SIRPG: variants seen among roughly 807,000 people sequenced by gnomAD.
SIRPG encodes the protein signal-regulatory protein gamma.
SIRPG carries 38 observed loss-of-function variants against 35.7 expected under a neutral mutation model. The ratio of observed to expected loss-of-function variants is 1.06; its 90% confidence interval spans 0.82 to 1.40. The LOEUF (loss-of-function observed/expected upper bound fraction) is 1.40. Ranked by LOEUF, SIRPG falls within the 40% of genes most tolerant of loss-of-function variation. The pLI is 0.00. For synonymous variants in SIRPG, 215 were observed against 190.4 expected (o/e 1.13, Z -1.06); for missense variants, 519 against 483.0 (o/e 1.07, Z -0.70).
chr20:1,670,765 G>C, the SIRPG span: 50 of 191,218 alleles, frequency 2.6e-4, 2 homozygotes, highest in South Asian at 4.5e-3. Context: ...TGGAAGGTGG[G>C]CAGCACAGTT....
chr20:1,639,596 C>G (rs2091835209), intron 2 of SIRPG, among the ~76,000 whole-genome samples: 1 of 152,160 alleles, frequency 6.6e-6, no homozygotes, highest in Non-Finnish European at 1.5e-5. Flanking sequence ...ATGATAGTTT[C>G]TATTCCTGTG....
intron 1 of SIRPG, among the ~76,000 whole-genome samples, chr20:1,655,774 A>G (rs2091971374): frequency 6.6e-6 from 1 of 152,172 alleles, no homozygotes; most frequent in South Asian, 2.1e-4. Context: ...AATATGTTGT[A>G]CATAAGTATA....
At chr20:1,684,098 T>C in the SIRPG span, among the ~76,000 whole-genome samples, 2 of 152,186 alleles carry the variant, frequency 1.3e-5, no homozygotes, top group South Asian at 2.1e-4. Context: ...AAGAGATGTA[T>C]TGTACGATAT....
At chr20:1,654,486 T>C (rs1600227317) in intron 1 of SIRPG, among the ~76,000 whole-genome samples, 3 of 152,280 alleles carry the variant, frequency 2.0e-5, no homozygotes, top group African/African-American at 7.2e-5. Context: ...AAGTTGGATA[T>C]CCATGTGTAG....
rs529778157 is a variant in SIRPG at position 1,652,930 on chromosome 20, A to G, written c.74-3522T>C. 1.1e-4 allele frequency among the ~76,000 whole-genome samples: 16 copies of G among 152,346 alleles called. No individual in the cohort carries two copies. The South Asian group carries it at 1.7e-3, about 16-fold the overall frequency. On this transcript the variant is annotated intron_variant, in intron 1 of 5. Transcript: ENST00000303415. ...TAGGTATCCAATAGATATGTGTGTA[A>G]TGTTTGAATTGCTCAGTGGGACATT...
At chr20:1,656,403 A>G (rs2091976124) in intron 1 of SIRPG, among the ~76,000 whole-genome samples, 2 of 152,240 alleles carry the variant, frequency 1.3e-5, no homozygotes. Flanking sequence ...ACAAAATGCT[A>G]AGAAGTGCAT....
chr20:1,639,582 T>C (rs1232548659), intron 2 of SIRPG, among the ~76,000 whole-genome samples: 1 of 152,222 alleles, frequency 6.6e-6, no homozygotes, highest in Admixed American at 6.5e-5. Context: ...GCCTGTTCAC[T>C]CTCATGATAG....
At chr20:1,654,955 T>C (rs2091966349) in intron 1 of SIRPG, among the ~76,000 whole-genome samples, 1 of 152,174 alleles carries the variant, frequency 6.6e-6, no homozygotes, top group Non-Finnish European at 1.5e-5. Context: ...ATTCATGAGA[T>C]AAATGCAAAT....
intron 2 of SIRPG, among the ~76,000 whole-genome samples, chr20:1,642,323 T>A (rs1437882768): frequency 6.6e-6 from 1 of 152,242 alleles, no homozygotes; most frequent in East Asian, 1.9e-4. Context: ...CATTAGGTAA[T>A]GCCCTTCTTT....
At chr20:1,673,017 C>T in the SIRPG span, among the ~76,000 whole-genome samples, 1 of 152,174 alleles carries the variant, frequency 6.6e-6, no homozygotes, top group South Asian at 2.1e-4. Flanking sequence ...AGTTTCTTTC[C>T]ATAGAGAGGT....
In SIRPG at chr20:1,630,234, T is replaced by C; in HGVS notation, c.1154A>G (p.Gln385Arg). ...LLGPIYVPWK[Q>R]KT is the part of the protein sequence containing the mutation. ...TCCTTGTACTTACAGTCAGGTCTTC[T>C]GCTTCCAGGGGACGTAGATGGGGCC... The change falls in exon 5 of 6, where the codon CAG (glutamine) becomes CGG (arginine). Residue 385 changes from glutamine (Q) to arginine (R), a missense_variant. Physicochemically the swap from Gln to Arg is conservative, Grantham distance 43. Coordinates refer to ENST00000303415, the MANE Select transcript of SIRPG (RefSeq NM_018556.4). The C allele has an allele frequency of 6.4e-7, 1 of 1,568,484 alleles. No individual in the cohort carries two copies. The highest frequency in any genetic ancestry group is 8.7e-7 in the Non-Finnish European group (1 of 1,155,472).
the SIRPG span, among the ~76,000 whole-genome samples, chr20:1,680,340 C>A: frequency 6.6e-6 from 1 of 152,172 alleles, no homozygotes; most frequent in Non-Finnish European, 1.5e-5. Flanking sequence ...CTACTGGGAT[C>A]CCCTGGTCTG....
intron 4 of SIRPG, among the ~76,000 whole-genome samples, chr20:1,631,522 C>T (rs188666880): frequency 6.6e-6 from 1 of 152,332 alleles, no homozygotes; most frequent in African/African-American, 2.4e-5. Context: ...TCCTGCCTCC[C>T]CATTTCCTGA....
At chr20:1,632,280 C>A (rs1299394013) in intron 4 of SIRPG, among the ~76,000 whole-genome samples, 1 of 152,174 alleles carries the variant, frequency 6.6e-6, no homozygotes, top group South Asian at 2.1e-4. Flanking sequence ...AACCCTGGCT[C>A]TCAGTATTAC....
At chr20:1,658,427 G>T (rs115433312), upstream of SIRPG, among the ~76,000 whole-genome samples, 908 of 152,226 alleles carry the variant, frequency 6.0e-3, 9 homozygotes, top group African/African-American at 0.018. Flanking sequence ...AGGGGATAGG[G>T]TTATCATGAG....
chr20:1,672,849 T>C, the SIRPG span, among the ~76,000 whole-genome samples: 1 of 152,148 alleles, frequency 6.6e-6, no homozygotes, highest in Non-Finnish European at 1.5e-5. Flanking sequence ...CAGGTTTGGG[T>C]TGACAAACAA....
chr20:1,631,932 G>A (rs1017759115), intron 4 of SIRPG, among the ~76,000 whole-genome samples: 6 of 152,334 alleles, frequency 3.9e-5, no homozygotes, highest in South Asian at 2.1e-4. Flanking sequence ...AAGGTTCAGC[G>A]TGAAAGCAAG....
upstream of SIRPG, among the ~76,000 whole-genome samples, chr20:1,660,308 G>T (rs1600231842): frequency 2.0e-5 from 3 of 152,222 alleles, no homozygotes; most frequent in East Asian, 5.8e-4. Flanking sequence ...GATTATGTAG[G>T]GGAAATTTCC....
chr20:1,681,112 T>G, the SIRPG span, among the ~76,000 whole-genome samples: 3 of 152,206 alleles, frequency 2.0e-5, no homozygotes, highest in African/African-American at 7.2e-5. Context: ...TCTGTTGAAT[T>G]TGGAGAAAAT....
Sources: gnomAD v4.1 joint callset for allele counts (sites outside exome capture counted in the v4.1 genomes callset) on GRCh38, gnomAD v4.1.1 for gene constraint, MANE v1.5 for transcripts, NCBI Gene and HGNC (gene_info 2026-07-23, HGNC 2026-07-21) for gene names.